TTC17: variants seen among roughly 807,000 people sequenced by gnomAD.
TTC17 encodes the protein tetratricopeptide repeat domain 17, also known as tetratricopeptide repeat protein 17.
Under a neutral mutation model 143.8 loss-of-function variants are expected in TTC17, and 58 were observed. The ratio of observed to expected loss-of-function variants is 0.40; its 90% CI spans 0.33 to 0.50. The LOEUF is 0.50. TTC17 is among the 20% of genes least tolerant of loss of function. TTC17 has a pLI of 0.49. For missense variants in TTC17, 1,273 were observed against 1,392.5 expected (o/e 0.91, Z 1.37); for synonymous variants, 501 against 497.8 (o/e 1.01, Z -0.09).
intron 16 of TTC17, among the ~76,000 whole-genome samples, chr11:43,433,992 T>G (rs1401488391): frequency 6.6e-6 from 1 of 152,154 alleles, no homozygotes; most frequent in Admixed American, 6.5e-5. Context: ...ATGTCATTAT[T>G]CTGTTTTATT....
rs538600451 is a variant in TTC17, at chr11:43,469,774, A to C, written c.3030+18509A>C. 2.0e-5 allele frequency among the ~76,000 whole-genome samples: 3 copies of C among 152,322 alleles called. No homozygotes were observed. In the South Asian group the frequency reaches 6.2e-4, roughly 32 times the overall value. On this transcript the variant is annotated intron_variant, in intron 21 of 23. Coordinates refer to ENST00000039989, the MANE Select transcript of TTC17 (RefSeq NM_018259.6). Reference sequence around the variant, plus strand: ...GTGTCTTTGTTACTTAATTGTCGAAAGTGAATGTTACACTTAGGATCTGAG... The same window carrying C: ...GTGTCTTTGTTACTTAATTGTCGAACGTGAATGTTACACTTAGGATCTGAG...
At chr11:43,440,249 G>A (rs1424878198) in intron 16 of TTC17, among the ~76,000 whole-genome samples, 2 of 4,746 alleles carry the variant, frequency 4.2e-4, no homozygotes, top group Non-Finnish European at 7.1e-4. Flanking sequence ...AAGTTCCATG[G>A]GTTGTTACAA....
At chr11:43,450,031 C>T in intron 19 of TTC17, 51 bp from the exon 20 acceptor site, 1 of 1,582,026 alleles carries the variant, frequency 6.3e-7, no homozygotes, top group Non-Finnish European at 8.6e-7. Flanking sequence ...TCTTCTCTTC[C>T]CACCCACTCA....
intron 21 of TTC17, among the ~76,000 whole-genome samples, chr11:43,458,452 A>G (rs906848666): frequency 2.0e-5 from 3 of 152,164 alleles, no homozygotes; most frequent in East Asian, 1.9e-4. Context: ...CATCATTTCA[A>G]CTGCATTCTT....
chr11:43,445,758 T>C (rs1441928044), intron 18 of TTC17, among the ~76,000 whole-genome samples: 1 of 152,222 alleles, frequency 6.6e-6, no homozygotes, highest in Non-Finnish European at 1.5e-5. Flanking sequence ...TTAGTATGGA[T>C]TCTATTCACT....
At chr11:43,406,531 T>A (rs1320911391) in intron 13 of TTC17, among the ~76,000 whole-genome samples, 1 of 151,742 alleles carries the variant, frequency 6.6e-6, no homozygotes, top group East Asian at 1.9e-4. Context: ...AAAAAAAAAA[T>A]TACCTTTTTA....
chr11:43,399,948 G>A lies in TTC17; in HGVS notation c.1119G>A (p.Leu373=), dbSNP rs1270533310. The change falls in exon 9 of 24, where the codon CTG becomes CTA. Residue 373 remains leucine, a synonymous_variant. Transcript: ENST00000039989. ...KEYQKQHDHY[L]RQQEILEKHK... ...ATCAAAAGCAGCATGACCACTACCT[G>A]AGACAGCAGGAAATCCTAGAAAAAC... 1.9e-6 allele frequency: 3 copies of A among 1,613,962 alleles called. No homozygotes were observed. Among genetic ancestry groups the A allele is most frequent in the East Asian group, 2.2e-5 (1 of 44,848 alleles).
At chr11:43,405,745 A>C (rs370485647) in intron 12 of TTC17, 41 bp from the exon 13 acceptor site, 58 of 1,612,184 alleles carry the variant, frequency 3.6e-5, no homozygotes, top group Non-Finnish European at 4.7e-5. Context: ...AAGTCACCCA[A>C]ACTTTGAAAA....
chr11:43,419,011 G>A (rs906288613), intron 16 of TTC17, among the ~76,000 whole-genome samples: 23 of 151,990 alleles, frequency 1.5e-4, no homozygotes, highest in African/African-American at 5.3e-4. Context: ...TCTTATATTA[G>A]CATAAAACCA....
rs1947488654 is a variant in TTC17 at position 43,444,196 on chromosome 11, T to C, written c.2652T>C (p.Ser884=). The change falls in exon 18 of 24, where the codon TCT becomes TCC. Residue 884 remains serine, a synonymous_variant. Coordinates refer to ENST00000039989, the MANE Select transcript of TTC17 (RefSeq NM_018259.6). ...NLEITGPKVA[S]PGPQGKKRDY... is the part of the protein sequence containing the mutation. ...AGATCACTGGCCCCAAGGTGGCATC[T>C]CCTGGGCCACAAGGTAAATTTGAAT... The C allele has an allele frequency of 6.2e-7, 1 of 1,603,566 alleles. No individual in the cohort carries two copies. The highest frequency in any genetic ancestry group is 1.3e-5 in the African/African-American group (1 of 74,136).
intron 21 of TTC17, among the ~76,000 whole-genome samples, chr11:43,458,805 T>G (rs1947810750): frequency 6.6e-6 from 1 of 152,180 alleles, no homozygotes; most frequent in Non-Finnish European, 1.5e-5. Flanking sequence ...TAAGACATTT[T>G]GAGGTAGAGA....
At chr11:43,441,309 C>T (rs1947415860) in intron 16 of TTC17, among the ~76,000 whole-genome samples, 1 of 151,344 alleles carries the variant, frequency 6.6e-6, no homozygotes, top group Non-Finnish European at 1.5e-5. Context: ...GGGGAGTGAC[C>T]TCCCTGACCC....
chr11:43,459,502 T>C (rs1947824821), intron 21 of TTC17, among the ~76,000 whole-genome samples: 1 of 152,216 alleles, frequency 6.6e-6, no homozygotes, highest in South Asian at 2.1e-4. Flanking sequence ...TTGTGGACTT[T>C]CAAATTATAA....
intron 1 of TTC17, among the ~76,000 whole-genome samples, chr11:43,363,413 A>G (rs1175919978): frequency 6.6e-6 from 1 of 152,230 alleles, no homozygotes; most frequent in African/African-American, 2.4e-5. Flanking sequence ...AGCAGCTAAC[A>G]GAGAAACTCT....
intron 16 of TTC17, among the ~76,000 whole-genome samples, chr11:43,434,168 G>GACACACACACACAC (rs55913890): frequency 3.2e-5 from 4 of 125,486 alleles, no homozygotes; most frequent in Admixed American, 8.0e-5. Context: ...CATGGGCGGG[G>GACACACACACACAC]ACACACACAC....
chr11:43,403,554 A>T (rs1356038041), intron 10 of TTC17, among the ~76,000 whole-genome samples: 1 of 152,184 alleles, frequency 6.6e-6, no homozygotes, highest in East Asian at 1.9e-4. Context: ...AACAGTCTGT[A>T]ATCCTTAAGT....
chr11:43,392,503 A>G (rs887958861), intron 5 of TTC17, among the ~76,000 whole-genome samples: 1 of 152,252 alleles, frequency 6.6e-6, no homozygotes, highest in Non-Finnish European at 1.5e-5. Flanking sequence ...GTATCATAAA[A>G]TGCAGTTTAG....
chr11:43,441,839 C>T (rs1267105944), intron 16 of TTC17, among the ~76,000 whole-genome samples: 2 of 152,044 alleles, frequency 1.3e-5, no homozygotes, highest in Non-Finnish European at 2.9e-5. Flanking sequence ...TAAATATTAC[C>T]ATATGGTAGG....
At chr11:43,493,096 T>A (rs1007883933) in intron 23 of TTC17, among the ~76,000 whole-genome samples, 3 of 152,318 alleles carry the variant, frequency 2.0e-5, no homozygotes, top group Non-Finnish European at 1.5e-5. Flanking sequence ...AATGTGAAGT[T>A]TGCTACTATG....
Sources: gnomAD v4.1 joint callset for allele counts (sites outside exome capture counted in the v4.1 genomes callset) on GRCh38, gnomAD v4.1.1 for gene constraint, MANE v1.5 for transcripts, NCBI Gene and HGNC (gene_info 2026-07-23, HGNC 2026-07-21) for gene names.